The following FGGY variants were observed in gnomAD, a reference collection of about 807,000 sequenced individuals.
FGGY encodes FGGY carbohydrate kinase domain containing, also known as FGGY carbohydrate kinase domain-containing protein.
A neutral mutation model predicts 71.3 loss-of-function variants in FGGY; 72 were observed. The ratio of observed to expected loss-of-function variants is 1.01; its 90% CI spans 0.84 to 1.23. The LOEUF (loss-of-function observed/expected upper bound fraction) is 1.23. FGGY is among the 50% of genes most tolerant of loss of function. The pLI is 0.00. For missense variants in FGGY, 668 were observed against 682.3 expected, an observed-to-expected ratio of 0.98 and a Z score of 0.23; for synonymous variants, 251 against 250.3, an observed-to-expected ratio of 1.00 and a Z score of -0.02.
chr1:59,471,134 T>G (rs1377121249), intron 6 of FGGY, among the ~76,000 whole-genome samples: 4 of 152,158 alleles, frequency 2.6e-5, no homozygotes, highest in Non-Finnish European at 4.4e-5. Context: ...AGGGGGAGAC[T>G]TGGTGGGAGG....
At chr1:59,428,378 T>C (rs1572035840) in intron 5 of FGGY, among the ~76,000 whole-genome samples, 1 of 152,234 alleles carries the variant, frequency 6.6e-6, no homozygotes, top group African/African-American at 2.4e-5. Context: ...GGAGCTGGAA[T>C]TCAAACTCTG....
At chr1:59,620,338 T>C (rs2096795512) in intron 9 of FGGY, among the ~76,000 whole-genome samples, 1 of 151,840 alleles carries the variant, frequency 6.6e-6, no homozygotes, top group Non-Finnish European at 1.5e-5. Context: ...CTCTTTTTTC[T>C]TCTCTTTTCT....
At chr1:59,566,130 G>T (rs1183606154) in intron 8 of FGGY, among the ~76,000 whole-genome samples, 1 of 152,010 alleles carries the variant, frequency 6.6e-6, no homozygotes, top group Non-Finnish European at 1.5e-5. Flanking sequence ...TATTGTGGCT[G>T]CTGAGGGTTA....
At chr1:59,297,397 C>T (rs1474101702) in intron 1 of FGGY, among the ~76,000 whole-genome samples, 1 of 152,218 alleles carries the variant, frequency 6.6e-6, no homozygotes, top group Non-Finnish European at 1.5e-5. Context: ...TAGATTTAAA[C>T]GCTTCCAGCA....
chr1:59,452,133 G>T (rs2072893781), intron 5 of FGGY, among the ~76,000 whole-genome samples: 2 of 148,260 alleles, frequency 1.3e-5, no homozygotes, highest in Non-Finnish European at 3.0e-5. Flanking sequence ...AATCTGTTCT[G>T]GAATTTCTGT....
At chr1:59,587,291 G>A (rs1328817161) in intron 8 of FGGY, among the ~76,000 whole-genome samples, 5 of 152,086 alleles carry the variant, frequency 3.3e-5, no homozygotes, top group African/African-American at 1.2e-4. Flanking sequence ...AAGCAGCCTG[G>A]AAGCTCGAAC....
intron 10 of FGGY, among the ~76,000 whole-genome samples, chr1:59,629,624 A>G (rs1046232063): frequency 2.0e-5 from 3 of 152,232 alleles, no homozygotes; most frequent in African/African-American, 7.2e-5. Flanking sequence ...TGCTGATTAC[A>G]TAATTCTGCA....
intron 14 of FGGY, among the ~76,000 whole-genome samples, chr1:59,713,002 C>T (rs1288399131): frequency 6.6e-6 from 1 of 152,168 alleles, no homozygotes; most frequent in Non-Finnish European, 1.5e-5. Flanking sequence ...AAACTGAATG[C>T]CTTTAGTAGC....
intron 4 of FGGY, among the ~76,000 whole-genome samples, chr1:59,359,657 C>T (rs2055028585): frequency 6.6e-6 from 1 of 152,164 alleles, no homozygotes; most frequent in Non-Finnish European, 1.5e-5. Context: ...CTCTGGATTC[C>T]TATAAAGGCT....
intron 11 of FGGY, among the ~76,000 whole-genome samples, chr1:59,651,504 T>C (rs1399022205): frequency 1.4e-5 from 2 of 146,868 alleles, no homozygotes; most frequent in Non-Finnish European, 3.0e-5. Context: ...TACCATTATG[T>C]AATGGCCTTC....
intron 13 of FGGY, among the ~76,000 whole-genome samples, chr1:59,671,389 G>A (rs375999376): frequency 3.9e-4 from 59 of 152,316 alleles, no homozygotes; most frequent in African/African-American, 1.4e-3. Context: ...GCTCACAAGG[G>A]TGAGGGTAGG....
chr1:59,372,338 A>C (rs2057811780), intron 4 of FGGY, among the ~76,000 whole-genome samples: 1 of 152,138 alleles, frequency 6.6e-6, no homozygotes. Context: ...TGACACATAC[A>C]CTCTCCCAAG....
At chr1:59,444,258 CT>C (rs1357561090) in intron 5 of FGGY, among the ~76,000 whole-genome samples, 1 of 152,076 alleles carries the variant, frequency 6.6e-6, no homozygotes, top group African/African-American at 2.4e-5. Context: ...AGTAGAGATT[CT>C]TTTTTTAACA....
intron 5 of FGGY, among the ~76,000 whole-genome samples, chr1:59,425,705 G>GT (rs1250250107): frequency 6.6e-6 from 1 of 152,240 alleles, no homozygotes; most frequent in Non-Finnish European, 1.5e-5. Flanking sequence ...TTTTCCCACT[G>GT]TTTTTTCCAG....
chr1:59,336,851 A>G (rs938221343), intron 2 of FGGY, among the ~76,000 whole-genome samples: 1 of 151,960 alleles, frequency 6.6e-6, no homozygotes, highest in Non-Finnish European at 1.5e-5. Context: ...AGTGTGACAT[A>G]TTTCTCCAAT....
chr1:59,307,202 T>C (rs2043565686), intron 1 of FGGY, among the ~76,000 whole-genome samples: 1 of 150,936 alleles, frequency 6.6e-6, no homozygotes, highest in South Asian at 2.1e-4. Context: ...TAGTCCCAGC[T>C]ACTCGTGAGG....
chr1:59,461,249 A>G (rs920445791), intron 6 of FGGY, among the ~76,000 whole-genome samples: 1 of 152,370 alleles, frequency 6.6e-6, no homozygotes, highest in South Asian at 2.1e-4. Flanking sequence ...GCTGAAAACC[A>G]TGGCACAAGA....
At chr1:59,360,615 G>T (rs547466882) in intron 4 of FGGY, among the ~76,000 whole-genome samples, 1 of 152,224 alleles carries the variant, frequency 6.6e-6, no homozygotes, top group South Asian at 2.1e-4. Flanking sequence ...TGTATCAGAA[G>T]GTATTTGATA....
chr1:59,653,655 G>C (rs762798151), intron 11 of FGGY, among the ~76,000 whole-genome samples: 135 of 152,198 alleles, frequency 8.9e-4, no homozygotes, highest in Non-Finnish European at 1.7e-3. Context: ...CACTGTCTGG[G>C]ACTCCCTAGT....
Sources: allele counts gnomAD v4.1 joint callset (sites outside exome capture counted in the v4.1 genomes callset), GRCh38; gene constraint gnomAD v4.1.1; transcripts MANE v1.5; gene names NCBI Gene and HGNC (gene_info 2026-07-23, HGNC 2026-07-21).